The following TLL2 variants were observed in gnomAD, a reference collection of about 807,000 sequenced individuals.
TLL2 encodes tolloid-like protein 2.
A neutral mutation model predicts 123.0 loss-of-function variants in TLL2; 106 were observed. The ratio of observed to expected loss-of-function variants is 0.86; its 90% CI spans 0.74 to 1.01. The LOEUF is 1.01. TLL2 is among the 50% of genes least tolerant of loss of function. The probability of loss-of-function intolerance (pLI) is 0.00; values close to 1 mark genes in which losing one functional copy is unlikely to be tolerated. For synonymous variants in TLL2, 494 were observed against 516.8 expected (o/e 0.96, Z 0.60); for missense variants, 1,332 against 1,336.7 (o/e 1.00, Z 0.06).
chr10:96,499,408 T>A (rs1370254534), intron 1 of TLL2, among the ~76,000 whole-genome samples: 2 of 152,254 alleles, frequency 1.3e-5, no homozygotes, highest in African/African-American at 2.4e-5. Flanking sequence ...TTTTCTTTAG[T>A]GTTCCCTTTA....
intron 1 of TLL2, among the ~76,000 whole-genome samples, chr10:96,496,754 G>A (rs982137327): frequency 6.6e-6 from 1 of 152,196 alleles, no homozygotes; most frequent in African/African-American, 2.4e-5. Flanking sequence ...ATTGGTTTGG[G>A]CAGGCCGGCC....
intron 17 of TLL2, among the ~76,000 whole-genome samples, chr10:96,378,491 CAA>C (rs1846157572): frequency 6.6e-6 from 1 of 152,194 alleles, no homozygotes; most frequent in Non-Finnish European, 1.5e-5. Flanking sequence ...TAATATATGA[CAA>C]AGACATAAAT....
intron 20 of TLL2, among the ~76,000 whole-genome samples, chr10:96,368,541 G>A (rs1846050135): frequency 6.6e-6 from 1 of 152,186 alleles, no homozygotes; most frequent in South Asian, 2.1e-4. Context: ...AACCTTATAA[G>A]GCAGGTACTA....
At chr10:96,462,561 T>C (rs554494566) in intron 2 of TLL2, among the ~76,000 whole-genome samples, 2 of 152,336 alleles carry the variant, frequency 1.3e-5, no homozygotes, top group South Asian at 4.1e-4. Flanking sequence ...CAGTACTGTC[T>C]ACTATATACT....
chr10:96,500,691 T>G (rs1343873837), intron 1 of TLL2, among the ~76,000 whole-genome samples: 3 of 150,320 alleles, frequency 2.0e-5, no homozygotes, highest in African/African-American at 7.4e-5. Flanking sequence ...GGAGGTTAAG[T>G]GGGAGGATCA....
chr10:96,488,862 G>A (rs1307898172), intron 1 of TLL2, among the ~76,000 whole-genome samples: 3 of 152,232 alleles, frequency 2.0e-5, no homozygotes, highest in African/African-American at 7.2e-5. Flanking sequence ...GGAAACCCCT[G>A]CGTGGAAGGA....
rs145500322 is a variant in TLL2 at position 96,512,684 on chromosome 10, G to T, written c.175+827C>A. On this transcript the variant is annotated intron_variant, in intron 1 of 20. Coordinates refer to ENST00000357947, the MANE Select transcript of TLL2 (RefSeq NM_012465.4). The stretch of plus-strand genomic sequence containing the variant: ...CGTGAGCGTGAGCACCCCTCTGTCC[G>T]TGCTGGAACTGCCCCACACTCATCA... 4.3e-4 allele frequency among the ~76,000 whole-genome samples: 66 copies of T among 152,358 alleles called. No individual in the cohort carries two copies. The East Asian group carries it at 0.011, about 26-fold the overall frequency.
rs541143098 is a variant in TLL2 at position 96,453,277 on chromosome 10, G to A, written c.287-7109C>T. Among the ~76,000 whole-genome samples, 11 of 152,106 alleles carry A rather than the reference G, an allele frequency of 7.2e-5. No homozygotes were observed. In the South Asian group the frequency reaches 1.2e-3, roughly 17 times the overall value. On this transcript the variant is annotated intron_variant, in intron 2 of 20. Transcript: ENST00000357947. Reference sequence around the variant, plus strand: ...TCAAGACCAACCTGCTCAACATGGCGAAACCCCGTCTCTACTAAGAATACA... The same window carrying A: ...TCAAGACCAACCTGCTCAACATGGCAAAACCCCGTCTCTACTAAGAATACA...
chr10:96,401,922 T>C, intron 10 of TLL2, among the ~76,000 whole-genome samples: 1 of 152,248 alleles, frequency 6.6e-6, no homozygotes, highest in East Asian at 1.9e-4. Flanking sequence ...ATAATGTATT[T>C]TATCTGGCAC....
chr10:96,506,030 G>A (rs1847574668), intron 1 of TLL2, among the ~76,000 whole-genome samples: 1 of 151,864 alleles, frequency 6.6e-6, no homozygotes, highest in African/African-American at 2.4e-5. Context: ...GAGGCGGGTG[G>A]ATCATGAAGT....
intron 4 of TLL2, among the ~76,000 whole-genome samples, 189 bp downstream of exon 4, chr10:96,432,618 C>T (rs1485794319): frequency 6.6e-6 from 1 of 152,164 alleles, no homozygotes; most frequent in African/African-American, 2.4e-5. Flanking sequence ...GACATAGCTC[C>T]AACAGAGACT....
At position 96,459,669 on chromosome 10, in the gene TLL2, CAAAAAAA is replaced by C. The variant is rs1165594084; in HGVS notation, c.287-13508_287-13502del. On this transcript the variant is annotated intron_variant, in intron 2 of 20. Coordinates refer to ENST00000357947, the MANE Select transcript of TLL2 (RefSeq NM_012465.4). ...TGAGTGACAGAGCAAGATCCTGTTTCAAAAAAAAAAAAAAAAAAAAAAAAAAAAAAAA... is the reference window on the plus strand; with the variant it reads ...TGAGTGACAGAGCAAGATCCTGTTTCAAAAAAAAAAAAAAAAAAAAAAAAA... 3.2e-3 allele frequency among the ~76,000 whole-genome samples: 79 copies of C among 24,380 alleles called. 2 individuals carry two copies. Among genetic ancestry groups the C allele is most frequent in the South Asian group, 0.011 (4 of 348 alleles). The allele number at this position is 24,380 out of a possible 152,430, so 16.0% of individuals were successfully genotyped here. A position where few individuals can be genotyped will look rare whatever the true frequency, so the allele number is the denominator to read the frequency against.
chr10:96,379,941 C>A (rs1395226295), intron 16 of TLL2, among the ~76,000 whole-genome samples: 1 of 152,252 alleles, frequency 6.6e-6, no homozygotes, highest in Non-Finnish European at 1.5e-5. Context: ...GCGACTCCAC[C>A]CCGCCCTCTG....
intron 6 of TLL2, among the ~76,000 whole-genome samples, chr10:96,421,398 T>C (rs961964047): frequency 4.6e-5 from 7 of 152,202 alleles, no homozygotes; most frequent in Non-Finnish European, 1.0e-4. Context: ...GTGCCATGGC[T>C]CACACCTGTA....
At chr10:96,492,590 C>T (rs943678129) in intron 1 of TLL2, among the ~76,000 whole-genome samples, 1 of 152,214 alleles carries the variant, frequency 6.6e-6, no homozygotes, top group Non-Finnish European at 1.5e-5. Context: ...CTCCAATGCA[C>T]TCCAGCCTGG....
chr10:96,432,345 C>T (rs748952622), intron 4 of TLL2, among the ~76,000 whole-genome samples: 7 of 152,050 alleles, frequency 4.6e-5, no homozygotes, highest in Non-Finnish European at 1.0e-4. Flanking sequence ...GAGATTTGGA[C>T]CCAGGGAGTC....
At chr10:96,423,124 G>A (rs1245942083) in intron 5 of TLL2, among the ~76,000 whole-genome samples, 3 of 53,516 alleles carry the variant, frequency 5.6e-5, no homozygotes, top group Non-Finnish European at 7.7e-5. Flanking sequence ...GTGAAACACC[G>A]TCTCAAAAAA....
Position 96,368,233 on chromosome 10 carries a change from G to A in TLL2, c.2914-11C>T, listed in dbSNP as rs2134048350. On this transcript the variant is annotated splice_polypyrimidine_tract_variant and intron_variant, in intron 20 of 20. Coordinates refer to ENST00000357947, the MANE Select transcript of TLL2 (RefSeq NM_012465.4). ...GATTTCTTCTAATGGCTGAGGAAAG[G>A]AGAAAGGGAAACGAGAAGGACTTTA... The A allele has an allele frequency of 6.2e-7, 1 of 1,613,306 alleles. No individual in the cohort carries two copies. Among genetic ancestry groups the A allele is most frequent in the Non-Finnish European group, 8.5e-7 (1 of 1,179,922 alleles).
chr10:96,432,785 G>A (rs1227938518), intron 4 of TLL2, 22 bp downstream of exon 4: 1 of 1,610,194 alleles, frequency 6.2e-7, no homozygotes, highest in Non-Finnish European at 8.5e-7. Flanking sequence ...ACCCAAAGCA[G>A]ACCTTGTCTG....
Sources: allele counts gnomAD v4.1 joint callset (sites outside exome capture counted in the v4.1 genomes callset), GRCh38; gene constraint gnomAD v4.1.1; transcripts MANE v1.5; gene names NCBI Gene and HGNC (gene_info 2026-07-23, HGNC 2026-07-21).